Variants in KAZN observed in about 807,000 individuals in gnomAD.
KAZN encodes kazrin.
In KAZN, 40 loss-of-function variants were observed where a neutral mutation model predicts 87.4. That is an observed-to-expected ratio of 0.46 (90% CI 0.36 to 0.60). The LOEUF is 0.60. Among genes scored for constraint, KAZN ranks in the 20% least tolerant of loss-of-function variants. The probability of loss-of-function intolerance (pLI) is 0.00; values close to 1 mark genes in which losing one functional copy is unlikely to be tolerated. For synonymous variants in KAZN, 466 were observed against 458.3 expected, an observed-to-expected ratio of 1.02 and a Z score of -0.22; for missense variants, 898 against 1,073.9, an observed-to-expected ratio of 0.84 and a Z score of 2.29.
At position 14,752,330 on chromosome 1, in the gene KAZN, C is replaced by T. The variant is rs564060409; in HGVS notation, c.226+153107C>T. 1.2e-4 allele frequency among the ~76,000 whole-genome samples: 18 copies of T among 152,258 alleles called. 1 individual carries two copies. In the Middle Eastern group the frequency reaches 0.017, roughly 144 times the overall value. On this transcript the variant is annotated intron_variant, in intron 1 of 14. Coordinates refer to ENST00000376030, the MANE Select transcript of KAZN (RefSeq NM_201628.3). ...ATGCCTTCCCTGATCCATCTAATGC[C>T]GTTCTCTCCTTCTGCGCATAAGGAA...
intron 2 of KAZN, among the ~76,000 whole-genome samples, chr1:14,228,987 A>G (rs1417650668): frequency 6.6e-6 from 1 of 152,228 alleles, no homozygotes; most frequent in Non-Finnish European, 1.5e-5. Context: ...TGGCATGCTA[A>G]CAGGAGAGCT....
At chr1:15,010,492 G>A (rs1388072820) in intron 2 of KAZN, among the ~76,000 whole-genome samples, 2 of 145,068 alleles carry the variant, frequency 1.4e-5, no homozygotes, top group Non-Finnish European at 3.0e-5. Flanking sequence ...CCAGGTTCCC[G>A]CCATTCTCCT....
intron 2 of KAZN, among the ~76,000 whole-genome samples, chr1:14,522,630 T>G (rs1406585643): frequency 6.6e-6 from 1 of 152,204 alleles, no homozygotes; most frequent in Non-Finnish European, 1.5e-5. Flanking sequence ...TGACGTGGAC[T>G]GCCCATCCTC....
At chr1:14,662,890 TA>T (rs1639275103) in intron 1 of KAZN, among the ~76,000 whole-genome samples, 1 of 147,696 alleles carries the variant, frequency 6.8e-6, no homozygotes, top group Admixed American at 6.8e-5. Context: ...TATATGTATA[TA>T]TTATATATGT....
intron 2 of KAZN, among the ~76,000 whole-genome samples, chr1:14,585,247 A>G (rs1021153207): frequency 6.6e-6 from 1 of 152,176 alleles, no homozygotes; most frequent in African/African-American, 2.4e-5. Flanking sequence ...CTAGCAAAGT[A>G]CTACAGGCAG....
chr1:14,834,356 C>CTTTTT (rs34228625), intron 1 of KAZN, among the ~76,000 whole-genome samples: 3 of 88,652 alleles, frequency 3.4e-5, no homozygotes, highest in African/African-American at 1.0e-4. Flanking sequence ...AAGTCACTTC[C>CTTTTT]TTTTTTTTTT....
intron 1 of KAZN, among the ~76,000 whole-genome samples, chr1:14,747,272 A>AT (rs1284746500): frequency 6.6e-6 from 1 of 151,696 alleles, no homozygotes; most frequent in African/African-American, 2.4e-5. Context: ...TTTTTATTTT[A>AT]TTTATTTATT....
At chr1:14,233,143 T>G (rs1267273110) in intron 2 of KAZN, among the ~76,000 whole-genome samples, 2 of 152,130 alleles carry the variant, frequency 1.3e-5, no homozygotes, top group Non-Finnish European at 2.9e-5. Context: ...CTTTTATTTT[T>G]TTTTTTGAGA....
intron 1 of KAZN, among the ~76,000 whole-genome samples, chr1:13,968,509 C>A (rs1022605555): frequency 1.3e-5 from 2 of 152,160 alleles, no homozygotes; most frequent in African/African-American, 4.8e-5. Context: ...TCCTTCCCTG[C>A]AAAACTCCTC....
Position 14,123,664 on chromosome 1 carries a change from C to T in KAZN, c.92-56771C>T, listed in dbSNP as rs1644798312. 3.9e-5 allele frequency among the ~76,000 whole-genome samples: 6 copies of T among 152,330 alleles called. No individual in the cohort carries two copies. In the South Asian group the frequency reaches 1.2e-3, roughly 32 times the overall value. On this transcript the variant is annotated intron_variant, in intron 1 of 16. Coordinates refer to the KAZN transcript ENST00000636203. ...TTTCATGCCTGGATGGCCGCAATCA[C>T]CTGCAAATGGGACTGCAGCCTCCCT...
Position 14,360,322 on chromosome 1 carries a change from T to C in KAZN, c.249+179730T>C, listed in dbSNP as rs567598742. ...TTTACATTCTTCTATAAACTAGTTA[T>C]TGTAGTTAGAAATTCCTCTAATCTT... On this transcript the variant is annotated intron_variant, in intron 2 of 16. Coordinates refer to the KAZN transcript ENST00000636203. 3.3e-5 allele frequency among the ~76,000 whole-genome samples: 5 copies of C among 152,350 alleles called. No homozygotes were observed. The South Asian group carries it at 1.0e-3, about 32-fold the overall frequency.
At chr1:14,113,440 T>C (rs1486751766) in intron 1 of KAZN, among the ~76,000 whole-genome samples, 1 of 152,140 alleles carries the variant, frequency 6.6e-6, no homozygotes, top group Non-Finnish European at 1.5e-5. Context: ...CCCCGAAAAA[T>C]GCAGGCGTAC....
chr1:13,932,008 ATTTT>A (rs35231877), intron 1 of KAZN, among the ~76,000 whole-genome samples: 2,218 of 122,914 alleles, frequency 0.018, 47 homozygotes, highest in African/African-American at 0.063. Context: ...GGCTTGGCTA[ATTTT>A]TTTTTTTTTT....
intron 1 of KAZN, among the ~76,000 whole-genome samples, chr1:14,867,171 C>T (rs931080373): frequency 9.2e-5 from 14 of 152,228 alleles, no homozygotes; most frequent in Admixed American, 2.6e-4. Context: ...GGAGCAGCCA[C>T]GTTCAGGGCC....
At chr1:13,895,626 T>C (rs1177559058) in intron 1 of KAZN, among the ~76,000 whole-genome samples, 9 of 152,178 alleles carry the variant, frequency 5.9e-5, no homozygotes. Context: ...CCAACACTGA[T>C]ACGTCTCCAG....
chr1:13,918,552 T>C (rs972604561), intron 1 of KAZN, among the ~76,000 whole-genome samples: 2 of 152,256 alleles, frequency 1.3e-5, no homozygotes, highest in Non-Finnish European at 2.9e-5. Flanking sequence ...TAAACTTAGT[T>C]GATAAAGAAG....
rs146469912 is a variant in KAZN at position 14,373,633 on chromosome 1, A to G, written c.249+193041A>G. On this transcript the variant is annotated intron_variant, in intron 2 of 16. Transcript: ENST00000636203. ...GTCCAGGCAGCCCATGGCCCAGTCA[A>G]GTTGACACATAAAATTAACAAAGTT... Among the ~76,000 whole-genome samples, 116 of 152,342 alleles carry G rather than the reference A, an allele frequency of 7.6e-4. 2 individuals are homozygous for G. Among genetic ancestry groups the G allele is most frequent in the Middle Eastern group, 6.8e-3 (2 of 294 alleles).
chr1:14,600,651 C>T (rs1003994680), intron 1 of KAZN, among the ~76,000 whole-genome samples: 3 of 133,700 alleles, frequency 2.2e-5, no homozygotes, highest in Non-Finnish European at 3.2e-5. Flanking sequence ...AGAACATTCT[C>T]CACTGGAACC....
intron 2 of KAZN, among the ~76,000 whole-genome samples, chr1:14,294,888 G>C (rs1443214219): frequency 6.6e-6 from 1 of 150,978 alleles, no homozygotes; most frequent in African/African-American, 2.4e-5. Flanking sequence ...CCTTGGCCAA[G>C]CTCATTCAGA....
Sources: gnomAD v4.1 joint callset for allele counts (sites outside exome capture counted in the v4.1 genomes callset) on GRCh38, gnomAD v4.1.1 for gene constraint, MANE v1.5 for transcripts, NCBI Gene and HGNC (gene_info 2026-07-23, HGNC 2026-07-21) for gene names.